The following MEOX1 variants were observed in gnomAD, a reference collection of about 807,000 sequenced individuals.
MEOX1 encodes the protein mesenchyme homeobox 1.
Under a neutral mutation model 23.2 loss-of-function variants are expected in MEOX1, and 17 were observed. The observed-to-expected ratio is 0.73, with a 90% CI of 0.50 to 1.10. The LOEUF (loss-of-function observed/expected upper bound fraction) is 1.10, where lower values mean the gene tolerates loss of function less well. Among genes scored for constraint, MEOX1 ranks in the 50% least tolerant of loss-of-function variants. MEOX1 has a pLI of 0.00. For missense variants in MEOX1, 333 were observed against 332.2 expected (o/e 1.00, Z -0.02); for synonymous variants, 134 against 135.1 (o/e 0.99, Z 0.06).
At chr17:43,658,794 A>T (rs995467480) in intron 1 of MEOX1, among the ~76,000 whole-genome samples, 1 of 152,108 alleles carries the variant, frequency 6.6e-6, no homozygotes, top group African/African-American at 2.4e-5. Context: ...CCAAAGGAGG[A>T]TGCAAGCATT....
chr17:43,642,104 C>T, intron 2 of MEOX1, 72 bp from the exon 3 acceptor site: 1 of 1,523,692 alleles, frequency 6.6e-7, no homozygotes, highest in South Asian at 1.3e-5. Flanking sequence ...AATGCTTAGG[C>T]TAGCCAGGGT....
At chr17:43,659,008 C>T (rs1333286463) in intron 1 of MEOX1, among the ~76,000 whole-genome samples, 2 of 152,230 alleles carry the variant, frequency 1.3e-5, no homozygotes, top group African/African-American at 4.8e-5. Context: ...CCGAGGGTGT[C>T]CCTGTACTCC....
At chr17:43,660,203 G>A (rs1973111546) in intron 1 of MEOX1, among the ~76,000 whole-genome samples, 1 of 152,206 alleles carries the variant, frequency 6.6e-6, no homozygotes, top group Non-Finnish European at 1.5e-5. Flanking sequence ...GGAGGGCCTG[G>A]TGGGGAGGTG....
chr17:43,661,421 G>GGT lies in MEOX1; in HGVS notation c.113_114insAC (p.Tyr38Ter). The change falls in exon 1 of 3, where the codon TAC becomes TAACC. Residue 38 changes from tyrosine to a stop codon, truncating the protein, a stop_gained and frameshift_variant. Coordinates refer to ENST00000318579, the MANE Select transcript of MEOX1 (RefSeq NM_004527.4). LOFTEE classifies it high-confidence loss of function. ...GGTGGAAGGAGAACGGGGTGGGCGG[G>GGT]TAGTGGGGTAGCCCTGAGGCCCCAT... Reference protein sequence around the residue: ...EGNGASGLPHYPPTPFSFHQK... With the variant: ...EGNGASGLPH 1 of 981,610 alleles carries GGT rather than the reference G, an allele frequency of 1.0e-6. No individual in the cohort carries two copies. Among genetic ancestry groups the GGT allele is most frequent in the Non-Finnish European group, 1.5e-6 (1 of 657,056 alleles). 60.8% of individuals were successfully genotyped at this position (981,610 alleles called of 1,614,324 possible).
At chr17:43,655,559 C>T (rs1350275721) in intron 1 of MEOX1, among the ~76,000 whole-genome samples, 1 of 150,116 alleles carries the variant, frequency 6.7e-6, no homozygotes, top group Non-Finnish European at 1.5e-5. Flanking sequence ...CATGGTGGCT[C>T]ACACCTATAA....
At chr17:43,657,066 CCTT>C (rs1973043499) in intron 1 of MEOX1, among the ~76,000 whole-genome samples, 2 of 130,334 alleles carry the variant, frequency 1.5e-5, no homozygotes, top group Non-Finnish European at 1.6e-5. Flanking sequence ...TTCCTTCCTT[CCTT>C]CTTTCTTTCT....
chr17:43,647,519 C>G (rs1972833441), intron 1 of MEOX1, among the ~76,000 whole-genome samples: 2 of 152,156 alleles, frequency 1.3e-5, no homozygotes, highest in Admixed American at 1.3e-4. Context: ...CTGGCTGGCT[C>G]AGGTTGGGGC....
intron 1 of MEOX1, among the ~76,000 whole-genome samples, chr17:43,653,477 C>T (rs1251901090): frequency 1.3e-5 from 2 of 150,276 alleles, no homozygotes; most frequent in East Asian, 2.0e-4. Flanking sequence ...AAACAGCTCC[C>T]TTCTTTAGAG....
intron 1 of MEOX1, among the ~76,000 whole-genome samples, chr17:43,644,209 C>T (rs1972759691): frequency 6.6e-6 from 1 of 152,240 alleles, no homozygotes; most frequent in African/African-American, 2.4e-5. Flanking sequence ...TGCTCTAAGA[C>T]CTCACCACTC....
chr17:43,657,588 G>A (rs113901413), intron 1 of MEOX1, among the ~76,000 whole-genome samples: 1,630 of 152,216 alleles, frequency 0.011, 24 homozygotes, highest in African/African-American at 0.036. Context: ...GGAAGGAAGC[G>A]CAGAGAACAT....
Position 43,641,653 on chromosome 17 carries a change from GC to G in MEOX1, c.*256del, listed in dbSNP as rs1273901152. 13 of 388,744 alleles carry G rather than the reference GC, an allele frequency of 3.3e-5. No homozygotes were observed. The East Asian group carries it at 5.6e-4, about 17-fold the overall frequency. The allele number at this position is 388,744 out of a possible 1,614,324, so 24.1% of individuals were successfully genotyped here. On this transcript the variant is annotated 3_prime_UTR_variant, in exon 3 of 3. Coordinates refer to ENST00000318579, the MANE Select transcript of MEOX1 (RefSeq NM_004527.4). ...CTGAAGCTGTTTCCAGATTCATCCG[GC>G]CCGGTAGGATCTCTGTCTGATTCCA...
At chr17:43,650,687 C>T (rs984268322) in intron 1 of MEOX1, among the ~76,000 whole-genome samples, 8 of 152,208 alleles carry the variant, frequency 5.3e-5, no homozygotes, top group African/African-American at 9.6e-5. Context: ...CCTCGGAAAA[C>T]GGTGTCTGTG....
At chr17:43,659,852 G>A (rs994461469) in intron 1 of MEOX1, among the ~76,000 whole-genome samples, 1 of 152,156 alleles carries the variant, frequency 6.6e-6, no homozygotes, top group Admixed American at 6.5e-5. Flanking sequence ...ACCTCTGCAG[G>A]CCTCTTCTTC....
Position 43,661,610 on chromosome 17 carries a change from G to C in MEOX1, c.-76C>G. The C allele has an allele frequency of 1.1e-6, 1 of 893,630 alleles. No homozygotes were observed. The allele number at this position is 893,630 out of a possible 1,614,324, so 55.4% of individuals were successfully genotyped here. ...TTTTTATGTTCAAATTTTTAAAAATGCAAAAGAAAAAAAACTAAATAGGAG... is the reference window on the plus strand; with the variant it reads ...TTTTTATGTTCAAATTTTTAAAAATCCAAAAGAAAAAAAACTAAATAGGAG... On this transcript the variant is annotated 5_prime_UTR_variant, in exon 1 of 3. Transcript: ENST00000318579.
At chr17:43,655,296 C>T (rs977098739) in intron 1 of MEOX1, among the ~76,000 whole-genome samples, 10 of 151,428 alleles carry the variant, frequency 6.6e-5, no homozygotes, top group Non-Finnish European at 1.5e-4. Flanking sequence ...CATGGTGAAA[C>T]CCCGTCTCTA....
chr17:43,641,710 G>C lies in MEOX1; in HGVS notation c.*200C>G, dbSNP rs1250284728. On this transcript the variant is annotated 3_prime_UTR_variant, in exon 3 of 3. Transcript: ENST00000318579. ...GTGTGGGAGCAAAGGCCCTAGGGAAGAGGCTGCTAAGAGGCTGGACAGAAC... is the reference window on the plus strand; with the variant it reads ...GTGTGGGAGCAAAGGCCCTAGGGAACAGGCTGCTAAGAGGCTGGACAGAAC... 1.8e-6 allele frequency: 1 copy of C among 551,572 alleles called. No individual in the cohort carries two copies. Among genetic ancestry groups the C allele is most frequent in the Non-Finnish European group, 3.2e-6 (1 of 314,966 alleles). The allele number at this position is 551,572 out of a possible 1,614,324, so 34.2% of individuals were successfully genotyped here.
chr17:43,657,083 C>T (rs2079156), intron 1 of MEOX1, among the ~76,000 whole-genome samples: 32 of 92,192 alleles, frequency 3.5e-4, no homozygotes, highest in East Asian at 1.9e-3. Context: ...TCTTTCTTTT[C>T]TTTCTTTCTT....
At chr17:43,655,403 G>A (rs200886707) in intron 1 of MEOX1, among the ~76,000 whole-genome samples, 16 of 151,820 alleles carry the variant, frequency 1.1e-4, no homozygotes, top group East Asian at 3.9e-4. Flanking sequence ...TACGGGAGGC[G>A]GAGGTTGCAG....
intron 2 of MEOX1, among the ~76,000 whole-genome samples, chr17:43,643,079 C>T (rs971509356): frequency 2.0e-5 from 3 of 151,854 alleles, no homozygotes; most frequent in African/African-American, 4.8e-5. Context: ...GAGGCCGAGG[C>T]GGGCGGATCA....
Sources: gnomAD v4.1 joint callset for allele counts (sites outside exome capture counted in the v4.1 genomes callset) on GRCh38, gnomAD v4.1.1 for gene constraint, MANE v1.5 for transcripts, NCBI Gene and HGNC (gene_info 2026-07-23, HGNC 2026-07-21) for gene names.